Variants in SLC1A2 observed in about 807,000 individuals in gnomAD.
SLC1A2 encodes the protein solute carrier family 1 member 2, also known as excitatory amino acid transporter 2.
A neutral mutation model predicts 48.8 loss-of-function variants in SLC1A2; 15 were observed. That is an observed-to-expected ratio of 0.31 (90% CI 0.21 to 0.47). The LOEUF (loss-of-function observed/expected upper bound fraction) is 0.47, where lower values mean the gene tolerates loss of function less well. SLC1A2 is among the 20% of genes least tolerant of loss of function. The pLI, the probability that SLC1A2 is intolerant of heterozygous loss-of-function variation, is 0.99. For synonymous variants in SLC1A2, 279 were observed against 272.6 expected (o/e 1.02, Z -0.23); for missense variants, 502 against 730.5 (o/e 0.69, Z 3.61).
chr11:35,295,361 A>G (rs949706424), intron 6 of SLC1A2, among the ~76,000 whole-genome samples: 1 of 152,198 alleles, frequency 6.6e-6, no homozygotes, highest in Non-Finnish European at 1.5e-5. Flanking sequence ...TTTTTAAAAC[A>G]AACAACTTAG....
chr11:35,301,776 A>G, intron 5 of SLC1A2, 131 bp from the exon 6 acceptor site: 2 of 808,318 alleles, frequency 2.5e-6, no homozygotes, highest in South Asian at 1.8e-5. Flanking sequence ...AGACATTAAA[A>G]GAACAAAGCA....
Position 35,397,867 on chromosome 11 carries a change from A to G in SLC1A2, c.17+21083T>C, listed in dbSNP as rs914370441. ...CCCAGGCTCCACAACTATGAGAAAT[A>G]AACTTCTGTTATTTTTAAGCCACCC... On this transcript the variant is annotated intron_variant, in intron 1 of 10. Transcript: ENST00000278379. Among the ~76,000 whole-genome samples the G allele has an allele frequency of 9.8e-5, 15 of 152,336 alleles. 1 individual carries two copies. The highest frequency in any genetic ancestry group is 3.4e-3 in the Middle Eastern group (1 of 294).
At chr11:35,389,510 AC>A (rs1383088435) in intron 1 of SLC1A2, among the ~76,000 whole-genome samples, 1 of 151,282 alleles carries the variant, frequency 6.6e-6, no homozygotes, top group Non-Finnish European at 1.5e-5. Flanking sequence ...CACTCTTGTC[AC>A]CCTGGCTGGA....
chr11:35,307,456 G>A (rs1277791357), intron 4 of SLC1A2, among the ~76,000 whole-genome samples: 1 of 152,294 alleles, frequency 6.6e-6, no homozygotes, highest in African/African-American at 2.4e-5. Context: ...ATTTTTAAAG[G>A]TGCCAGGCAC....
intron 9 of SLC1A2, among the ~76,000 whole-genome samples, chr11:35,273,893 G>A (rs560456699): frequency 2.0e-5 from 3 of 152,282 alleles, no homozygotes; most frequent in African/African-American, 4.8e-5. Context: ...TATTTTCGTG[G>A]TAAAAAGTCA....
intron 1 of SLC1A2, among the ~76,000 whole-genome samples, chr11:35,320,888 A>G (rs990292427): frequency 1.3e-5 from 2 of 152,226 alleles, no homozygotes; most frequent in Admixed American, 6.5e-5. Context: ...AAATGCATGG[A>G]TAAATACATT....
chr11:35,419,207 C>T lies in SLC1A2; in HGVS notation c.-241G>A, dbSNP rs573043797. On this transcript the variant is annotated 5_prime_UTR_variant, in exon 1 of 11. Transcript: ENST00000278379. This position sits in a 1 kb window ranked among gnomAD's most constrained non-coding sequence, Gnocchi z 5.4. ...CGCGACCCGCGCTCCCCTCCGCCCG[C>T]GGGGATGGCGCTTGGCGGGGAGCTC... 3.4e-5 allele frequency: 15 copies of T among 435,620 alleles called. No homozygotes were observed. The South Asian group carries it at 6.1e-4, about 18-fold the overall frequency. The allele number at this position is 435,620 out of a possible 1,614,324, so 27.0% of individuals were successfully genotyped here.
intron 6 of SLC1A2, among the ~76,000 whole-genome samples, chr11:35,295,100 C>G (rs748650578): frequency 2.1e-4 from 32 of 151,966 alleles, no homozygotes; most frequent in Non-Finnish European, 3.8e-4. Context: ...CAGGCTGGAG[C>G]TCAGTGGCAC....
chr11:35,280,761 A>G, intron 9 of SLC1A2, 106 bp downstream of exon 9: 1 of 653,410 alleles, frequency 1.5e-6, no homozygotes, highest in Admixed American at 2.8e-5. Context: ...AGAGTGAGGG[A>G]GTTGCCATGG....
Position 35,260,822 on chromosome 11 carries a change from G to T in SLC1A2, c.*72C>A. ...CGCATTTTTTTCCTTTTTAAAGAAA[G>T]CTTGTTTATATCATCAGTTACCATA... On this transcript the variant is annotated 3_prime_UTR_variant, in exon 11 of 11. Transcript: ENST00000278379. The T allele has an allele frequency of 2.7e-6, 3 of 1,101,752 alleles. No individual in the cohort carries two copies. The highest frequency in any genetic ancestry group is 2.6e-5 in the South Asian group (2 of 78,394). 68.2% of individuals were successfully genotyped at this position (1,101,752 alleles called of 1,614,324 possible).
At chr11:35,293,441 A>G (rs948877558) in intron 6 of SLC1A2, among the ~76,000 whole-genome samples, 6 of 152,176 alleles carry the variant, frequency 3.9e-5, no homozygotes, top group Middle Eastern at 3.2e-3. Context: ...TCTTATTATT[A>G]ATTTATAGAG....
rs548042406 is a variant in SLC1A2, at chr11:35,309,298, C to T, written c.561+2900G>A. On this transcript the variant is annotated intron_variant, in intron 4 of 10. Coordinates refer to ENST00000278379, the MANE Select transcript of SLC1A2 (RefSeq NM_004171.4). ...CAGGGTCCTCATCTGTCTCCTCCCC[C>T]CGTGGCATCCTTGTACAAAGCAGAG... 1.1e-4 allele frequency among the ~76,000 whole-genome samples: 17 copies of T among 152,314 alleles called. 1 individual carries two copies. The South Asian group carries it at 3.5e-3, about 32-fold the overall frequency.
At chr11:35,263,720 A>C (rs1950433771) in intron 10 of SLC1A2, among the ~76,000 whole-genome samples, 1 of 152,230 alleles carries the variant, frequency 6.6e-6, no homozygotes, top group Non-Finnish European at 1.5e-5. Context: ...ATTTTTCCTC[A>C]TATGGCAATA....
chr11:35,337,962 C>T (rs1397110511), intron 1 of SLC1A2, among the ~76,000 whole-genome samples: 2 of 152,118 alleles, frequency 1.3e-5, no homozygotes, highest in African/African-American at 4.8e-5. Flanking sequence ...CTTAGTATAG[C>T]ATAAATAATA....
chr11:35,314,039 A>C (rs1308392468), intron 3 of SLC1A2, among the ~76,000 whole-genome samples: 1 of 151,556 alleles, frequency 6.6e-6, no homozygotes, highest in Non-Finnish European at 1.5e-5. Context: ...AAGGGCATCA[A>C]TTTATACCCT....
chr11:35,356,362 T>C (rs1853462134), intron 1 of SLC1A2, among the ~76,000 whole-genome samples: 2 of 152,204 alleles, frequency 1.3e-5, no homozygotes, highest in Non-Finnish European at 2.9e-5. Flanking sequence ...CTCATTGGTG[T>C]CCCGAGATAG....
intron 1 of SLC1A2, among the ~76,000 whole-genome samples, chr11:35,353,200 G>C (rs1853329958): frequency 6.6e-6 from 1 of 152,120 alleles, no homozygotes; most frequent in Non-Finnish European, 1.5e-5. Context: ...AGTGAATGTG[G>C]CTGTTTAGAA....
At chr11:35,324,133 C>T (rs1839294115) in intron 1 of SLC1A2, among the ~76,000 whole-genome samples, 2 of 152,206 alleles carry the variant, frequency 1.3e-5, no homozygotes, top group African/African-American at 4.8e-5. Context: ...TTCCTAAGCA[C>T]AGTGGCCCAA....
At chr11:35,292,841 T>C (rs1318172143) in intron 6 of SLC1A2, among the ~76,000 whole-genome samples, 1 of 152,176 alleles carries the variant, frequency 6.6e-6, no homozygotes, top group Non-Finnish European at 1.5e-5. Flanking sequence ...CCCAGGTGTG[T>C]CTCTGGGAAT....
Sources: gnomAD v4.1 joint callset for allele counts (sites outside exome capture counted in the v4.1 genomes callset) on GRCh38, gnomAD v4.1.1 for gene constraint, Gnocchi (gnomAD v3.1) non-coding constraint, MANE v1.5 for transcripts, NCBI Gene and HGNC (gene_info 2026-07-23, HGNC 2026-07-21) for gene names.